PCSK5: variants seen among roughly 807,000 people sequenced by gnomAD.
PCSK5 encodes the protein proprotein convertase subtilisin/kexin type 5, also known as prohormone convertase 5.
Under a neutral mutation model 233.2 loss-of-function variants are expected in PCSK5, and 129 were observed. The observed-to-expected ratio is 0.55, with a 90% CI of 0.48 to 0.64. The LOEUF is 0.64. PCSK5 is among the 30% of genes least tolerant of loss of function. PCSK5 has a pLI of 0.00. For missense variants in PCSK5, 2,076 were observed against 2,430.1 expected (o/e 0.85, Z 3.06); for synonymous variants, 825 against 879.2 (o/e 0.94, Z 1.09).
At chr9:76,226,970 A>T (rs1351020211) in intron 20 of PCSK5, among the ~76,000 whole-genome samples, 1 of 152,108 alleles carries the variant, frequency 6.6e-6, no homozygotes, top group Non-Finnish European at 1.5e-5. Flanking sequence ...CTTCACTATT[A>T]CTCTTTCAGA....
In PCSK5 at chr9:76,174,518, G is replaced by A. The variant is rs1823486872; in HGVS notation, c.1757-468G>A. Among the ~76,000 whole-genome samples, 3 of 151,984 alleles carry A rather than the reference G, an allele frequency of 2.0e-5. No individual in the cohort carries two copies. In the South Asian group the frequency reaches 6.2e-4, roughly 32 times the overall value. ...GTAGAGACGGAGTTTCACCGTGTTA[G>A]CCAGGGTGGTCTCAATCTCCTGACC... On this transcript the variant is annotated intron_variant, in intron 13 of 37. Coordinates refer to ENST00000674117, the MANE Select transcript of PCSK5 (RefSeq NM_001372043.1).
chr9:76,118,968 A>G (rs114573825), intron 9 of PCSK5, among the ~76,000 whole-genome samples: 2,146 of 151,462 alleles, frequency 0.014, 50 homozygotes, highest in African/African-American at 0.049. Flanking sequence ...TTCCCCTCCC[A>G]TTTGTTTTTT....
At chr9:76,253,932 T>C (rs1386333022) in intron 24 of PCSK5, among the ~76,000 whole-genome samples, 1 of 152,176 alleles carries the variant, frequency 6.6e-6, no homozygotes, top group Admixed American at 6.5e-5. Flanking sequence ...GGGTTGTATT[T>C]CCCAAATCTC....
chr9:76,053,693 T>C (rs1299824649), intron 5 of PCSK5, among the ~76,000 whole-genome samples: 1 of 152,220 alleles, frequency 6.6e-6, no homozygotes, highest in African/African-American at 2.4e-5. Context: ...GGCTGAACTT[T>C]ATTGTTCATA....
intron 35 of PCSK5, 29 bp downstream of exon 35, chr9:76,338,476 G>C: frequency 6.7e-7 from 1 of 1,489,100 alleles, no homozygotes; most frequent in Non-Finnish European, 9.4e-7. Context: ...TTTTGCATGA[G>C]TGCGTAGAAA....
chr9:76,236,970 C>G (rs1211488519), intron 22 of PCSK5, among the ~76,000 whole-genome samples: 2 of 152,204 alleles, frequency 1.3e-5, no homozygotes, highest in Admixed American at 1.3e-4. Context: ...CTCTAAGCAT[C>G]TGGATCCTGA....
chr9:76,222,853 G>A (rs893917780), intron 20 of PCSK5, among the ~76,000 whole-genome samples: 18 of 152,034 alleles, frequency 1.2e-4, no homozygotes, highest in Non-Finnish European at 8.8e-5. Flanking sequence ...TATAGCTGGC[G>A]AAAAAAACAT....
chr9:76,331,311 T>C (rs1829527616), intron 33 of PCSK5, among the ~76,000 whole-genome samples: 1 of 152,064 alleles, frequency 6.6e-6, no homozygotes, highest in Admixed American at 6.6e-5. Context: ...GATCTCGGCA[T>C]AGAGAGATTA....
intron 9 of PCSK5, among the ~76,000 whole-genome samples, chr9:76,124,706 C>T (rs1045893603): frequency 7.1e-6 from 1 of 140,642 alleles, no homozygotes; most frequent in Non-Finnish European, 1.5e-5. Flanking sequence ...AGATTCATAC[C>T]ACTGCACTCC....
At chr9:76,078,866 A>C (rs1425966957) in intron 7 of PCSK5, among the ~76,000 whole-genome samples, 1 of 152,150 alleles carries the variant, frequency 6.6e-6, no homozygotes, top group East Asian at 1.9e-4. Flanking sequence ...GAAAAATGAC[A>C]TTGATAGTTT....
rs1828451533 is a variant in PCSK5 at position 76,296,766 on chromosome 9, G to T, written c.3424G>T (p.Gly1142Cys). 2 of 1,611,748 alleles carry T rather than the reference G, an allele frequency of 1.2e-6. No individual in the cohort carries two copies. The highest frequency in any genetic ancestry group is 4.5e-5 in the East Asian group (2 of 44,868). The change falls in exon 27 of 38, where the codon GGT becomes TGT. Residue 1142 changes from glycine to cysteine, a missense_variant. By Grantham distance (159) the Gly-to-Cys change is radical (BLOSUM62 -3). Around this residue, in one of 6 missense-constraint regions of PCSK5, gnomAD observed 1,510 missense variants for 1,538.1 expected, o/e 0.98. Transcript: ENST00000674117. The stretch of plus-strand genomic sequence containing the variant: ...AGCATGCGAAACCTGCACAGGCCCT[G>T]GTCATGACGAGTGCAGCAGCTGCCA... ...HRACETCTGP[G>C]HDECSSCQEG...
At position 75,933,656 on chromosome 9, in the gene PCSK5, C is replaced by T. The variant is rs118132729; in HGVS notation, c.297+1173C>T. ...GATTATGAAATTGTAACTTGGCTAG[C>T]GAAAGCACATACTTTCTATGTCCCT... On this transcript the variant is annotated intron_variant, in intron 2 of 37. Transcript: ENST00000674117. Among the ~76,000 whole-genome samples, 1,034 of 152,216 alleles carry T rather than the reference C, an allele frequency of 6.8e-3. 7 individuals are homozygous for T. Among genetic ancestry groups the T allele is most frequent in the Non-Finnish European group, 0.012 (792 of 68,020 alleles).
At chr9:76,245,985 A>T (rs1377364129) in intron 24 of PCSK5, among the ~76,000 whole-genome samples, 1 of 152,132 alleles carries the variant, frequency 6.6e-6, no homozygotes, top group Non-Finnish European at 1.5e-5. Context: ...CATGAAACAA[A>T]TGGCCTTCAA....
At chr9:76,052,556 A>T (rs1244389830) in intron 5 of PCSK5, among the ~76,000 whole-genome samples, 1 of 151,986 alleles carries the variant, frequency 6.6e-6, no homozygotes, top group Middle Eastern at 3.2e-3. Flanking sequence ...TGATTCAATT[A>T]CCTCCCAATG....
At chr9:76,205,177 C>T (rs1416857209) in intron 20 of PCSK5, 1 of 518,934 alleles carries the variant, frequency 1.9e-6, no homozygotes, top group Non-Finnish European at 3.8e-6. Context: ...CCTCAGTTTG[C>T]AGCTATCTCA....
rs546905471 is a variant in PCSK5 at position 76,331,653 on chromosome 9, T to C, written c.4571-780T>C. Among the ~76,000 whole-genome samples, 85 of 130,628 alleles carry C rather than the reference T, an allele frequency of 6.5e-4. 2 individuals are homozygous for C. The South Asian group carries it at 0.02, about 31-fold the overall frequency. 85.7% of individuals were successfully genotyped at this position (130,628 alleles called of 152,430 possible). A position where few individuals can be genotyped will look rare whatever the true frequency, so the allele number is the denominator to read the frequency against. ...CTGCACTCCAGCCTGGGCGACAGAG[T>C]GAGACTCCATCTCAAAAAAAAAAAA... On this transcript the variant is annotated intron_variant, in intron 33 of 37. Transcript: ENST00000674117.
At chr9:76,077,529 G>A (rs1830683334) in intron 7 of PCSK5, among the ~76,000 whole-genome samples, 1 of 152,106 alleles carries the variant, frequency 6.6e-6, no homozygotes, top group Admixed American at 6.6e-5. Context: ...GTACCCAGCA[G>A]CTAGTTTTTC....
rs1825877353 is a variant in PCSK5, at chr9:75,973,236, A to G, written c.298-12896A>G. ...GATTTCTCTACCCATTGGAAGTCAGAGTACCTGAAAAACAACCATCAACAT... is the reference window on the plus strand; with the variant it reads ...GATTTCTCTACCCATTGGAAGTCAGGGTACCTGAAAAACAACCATCAACAT... On this transcript the variant is annotated intron_variant, in intron 2 of 37. Coordinates refer to ENST00000674117, the MANE Select transcript of PCSK5 (RefSeq NM_001372043.1). 2.0e-5 allele frequency among the ~76,000 whole-genome samples: 3 copies of G among 152,348 alleles called. No homozygotes were observed. In the South Asian group the frequency reaches 6.2e-4, roughly 32 times the overall value.
intron 9 of PCSK5, among the ~76,000 whole-genome samples, chr9:76,122,827 C>CTTTTTTTTTT (rs71372050): frequency 1.7e-4 from 21 of 126,988 alleles, no homozygotes; most frequent in South Asian, 2.4e-4. Flanking sequence ...TTTTTTTTTT[C>CTTTTTTTTTT]TTTTTTTTTT....
Sources: allele counts gnomAD v4.1 joint callset (sites outside exome capture counted in the v4.1 genomes callset), GRCh38; gene constraint gnomAD v4.1.1; regional missense constraint gnomAD v4.1.1; transcripts MANE v1.5; gene names NCBI Gene and HGNC (gene_info 2026-07-23, HGNC 2026-07-21).